The following CABP7 variants were observed in gnomAD, a reference collection of about 807,000 sequenced individuals.
The protein encoded by CABP7 is calcium binding protein 7.
CABP7 carries 13 observed loss-of-function variants against 23.1 expected under a neutral mutation model. The ratio of observed to expected loss-of-function variants is 0.56; its 90% confidence interval spans 0.37 to 0.90. The LOEUF is 0.90. Ranked by LOEUF, CABP7 falls within the 40% of genes least tolerant of loss-of-function variation. The pLI is 0.01. For synonymous variants in CABP7, 123 were observed against 115.3 expected (o/e 1.07, Z -0.43); for missense variants, 248 against 295.6 (o/e 0.84, Z 1.18).
chr22:29,723,266 C>T lies in CABP7; in HGVS notation c.109+2733C>T, dbSNP rs373416607. On this transcript the variant is annotated intron_variant, in intron 1 of 4. Transcript: ENST00000216144. The stretch of plus-strand genomic sequence containing the variant: ...AAGGTCTGGAAAAGGTCTCTGGGGA[C>T]CTGTGGCCCTGGGGAGGCATGGAGG... Among the ~76,000 whole-genome samples the T allele has an allele frequency of 1.9e-4, 29 of 152,194 alleles. No homozygotes were observed. In the East Asian group the frequency reaches 2.7e-3, roughly 14 times the overall value.
rs2067805957 is a variant in CABP7 at position 29,727,672 on chromosome 22, G to C, written c.120G>C (p.Glu40Asp). ...CCATTCTCTCCTCAGAGATCCGAGA[G>C]GCCTTCAAGGTGTTTGACCGTGACG... ...IPEDELEEIR[E>D]AFKVFDRDGN... The change falls in exon 2 of 5, where the codon GAG becomes GAC. Residue 40 changes from glutamate to aspartate, a missense_variant. Physicochemically the swap from Glu to Asp is conservative, Grantham distance 45 (BLOSUM62 2). Transcript: ENST00000216144. The surrounding 1 kb of genome is among the most constrained non-coding windows in gnomAD (Gnocchi z 4.2). 1 of 1,613,648 alleles carries C rather than the reference G, an allele frequency of 6.2e-7. No individual in the cohort carries two copies.
intron 2 of CABP7, among the ~76,000 whole-genome samples, chr22:29,728,420 C>G (rs1219819179): frequency 2.0e-5 from 3 of 152,208 alleles, no homozygotes; most frequent in African/African-American, 7.2e-5. Flanking sequence ...CTTGTAAGGC[C>G]TCATCACACT....
At position 29,720,402 on chromosome 22, in the gene CABP7, C is replaced by A; in HGVS notation, c.-23C>A. ...CCCCGGCCTCAAAGTTTGCGGCGGG[C>A]GGGCGGGCGCGGAGCCTCCAAGATG... On this transcript the variant is annotated 5_prime_UTR_variant, in exon 1 of 5. Coordinates refer to ENST00000216144, the MANE Select transcript of CABP7 (RefSeq NM_182527.3). This position sits in a 1 kb window ranked among gnomAD's most constrained non-coding sequence, Gnocchi z 5.2. The A allele has an allele frequency of 7.0e-7, 1 of 1,435,780 alleles. No individual in the cohort carries two copies. The highest frequency in any genetic ancestry group is 9.2e-7 in the Non-Finnish European group (1 of 1,082,762). The allele number at this position is 1,435,780 out of a possible 1,614,324, so 88.9% of individuals were successfully genotyped here.
In CABP7 at chr22:29,730,327, C is replaced by T. The variant is rs2067830528; in HGVS notation, c.*758C>T. On this transcript the variant is annotated 3_prime_UTR_variant, in exon 5 of 5. Coordinates refer to ENST00000216144, the MANE Select transcript of CABP7 (RefSeq NM_182527.3). ...GCCCTGCAGCCCCCCACCTTCTGGCCCTCCCACCAGAGGCCCAGCTACCAA... is the reference window on the plus strand; with the variant it reads ...GCCCTGCAGCCCCCCACCTTCTGGCTCTCCCACCAGAGGCCCAGCTACCAA... 1 of 152,718 alleles carries T rather than the reference C, an allele frequency of 6.5e-6. No individual in the cohort carries two copies. The highest frequency in any genetic ancestry group is 2.4e-5 in the African/African-American group (1 of 41,424). 9.5% of individuals were successfully genotyped at this position (152,718 alleles called of 1,614,324 possible). A position where few individuals can be genotyped will look rare whatever the true frequency, so the allele number is the denominator to read the frequency against.
rs901348663 is a variant in CABP7 at position 29,727,030 on chromosome 22, C to T, written c.110-632C>T. On this transcript the variant is annotated intron_variant, in intron 1 of 4. Transcript: ENST00000216144. This position sits in a 1 kb window ranked among gnomAD's most constrained non-coding sequence, Gnocchi z 4.2. Reference sequence around the variant, plus strand: ...GTCACCGAGGTCATCAGGCCTCGGTCTTCTGCTCCGTACAGTGTGGAGGGC... The same window carrying T: ...GTCACCGAGGTCATCAGGCCTCGGTTTTCTGCTCCGTACAGTGTGGAGGGC... Among the ~76,000 whole-genome samples the T allele has an allele frequency of 5.9e-5, 9 of 152,186 alleles. No individual in the cohort carries two copies. The highest frequency in any genetic ancestry group is 1.3e-4 in the Non-Finnish European group (9 of 68,042).
chr22:29,729,555 A>T lies in CABP7; in HGVS notation c.634A>T (p.Ser212Cys). 1 of 1,610,812 alleles carries T rather than the reference A, an allele frequency of 6.2e-7. No individual in the cohort carries two copies. The highest frequency in any genetic ancestry group is 8.5e-7 in the Non-Finnish European group (1 of 1,179,908). ...MLIAANQVLRSGMK is the reference protein window; with the variant it reads ...MLIAANQVLRCGMK ...CATTGCGGCCAACCAGGTGCTGCGC[A>T]GTGGCATGAAGTAGACGCCACCTGG... Residue 212 changes from serine (S) to cysteine (C), a missense_variant, in exon 5 of 5, where the codon AGT becomes TGT. Physicochemically the swap from Ser to Cys is moderately radical, Grantham distance 112. Transcript: ENST00000216144.
chr22:29,721,286 C>G (rs1046345511), intron 1 of CABP7, among the ~76,000 whole-genome samples: 3 of 152,154 alleles, frequency 2.0e-5, no homozygotes, highest in African/African-American at 7.2e-5. Context: ...TGGGCGAGGT[C>G]AGAGCAGAGG....
intron 4 of CABP7, 91 bp from the exon 5 acceptor site, chr22:29,729,351 T>A: frequency 6.3e-7 from 1 of 1,578,676 alleles, no homozygotes; most frequent in East Asian, 2.2e-5. Context: ...CCCCATGGGA[T>A]GAGCCCATGT....
rs1433959575 is a variant in CABP7 at position 29,720,430 on chromosome 22, G to A, written c.6G>A (p.Pro2=). M[P]FHPVTAALMY... ...GCGGGCGCGGAGCCTCCAAGATGCC[G>A]TTCCACCCGGTGACGGCGGCGTTGA... Residue 2 remains proline, a synonymous_variant, in exon 1 of 5, where the codon CCG becomes CCA. Coordinates refer to ENST00000216144, the MANE Select transcript of CABP7 (RefSeq NM_182527.3). This position sits in a 1 kb window ranked among gnomAD's most constrained non-coding sequence, Gnocchi z 5.2. 3.9e-6 allele frequency: 6 copies of A among 1,532,640 alleles called. No individual in the cohort carries two copies. The highest frequency in any genetic ancestry group is 1.9e-5 in the Admixed American group (1 of 51,906). The allele number at this position is 1,532,640 out of a possible 1,614,324, so 94.9% of individuals were successfully genotyped here.
chr22:29,723,879 G>A (rs914104223), intron 1 of CABP7, among the ~76,000 whole-genome samples: 5 of 152,218 alleles, frequency 3.3e-5, no homozygotes, highest in Non-Finnish European at 5.9e-5. Context: ...GATGGAGTGC[G>A]GATGTCCCTT....
At position 29,729,422 on chromosome 22, in the gene CABP7, CTCCCGG is replaced by C; in HGVS notation, c.521-19_521-14del. 2 of 1,607,334 alleles carry C rather than the reference CTCCCGG, an allele frequency of 1.2e-6. No homozygotes were observed. The highest frequency in any genetic ancestry group is 3.3e-4 in the Middle Eastern group (2 of 6,052). On this transcript the variant is annotated splice_polypyrimidine_tract_variant and intron_variant, in intron 4 of 4. Coordinates refer to ENST00000216144, the MANE Select transcript of CABP7 (RefSeq NM_182527.3). ...GATGTCCCCTTCTGTCTCCCCGGTGCTCCCGGCGGGCGGCCACAGCCTGCTCCAACC... is the reference window on the plus strand; with the variant it reads ...GATGTCCCCTTCTGTCTCCCCGGTGCCGGGCGGCCACAGCCTGCTCCAACC...
Position 29,720,839 on chromosome 22 carries a change from G to A in CABP7, c.109+306G>A, listed in dbSNP as rs1182488828. On this transcript the variant is annotated intron_variant, in intron 1 of 4. Coordinates refer to ENST00000216144, the MANE Select transcript of CABP7 (RefSeq NM_182527.3). This position sits in a 1 kb window ranked among gnomAD's most constrained non-coding sequence, Gnocchi z 5.2. Reference sequence around the variant, plus strand: ...CAGTCGGCGGTGACGGTGCGGCAACGCGGCGGACTGGGGCGGGGGTCCGCG... The same window carrying A: ...CAGTCGGCGGTGACGGTGCGGCAACACGGCGGACTGGGGCGGGGGTCCGCG... Among the ~76,000 whole-genome samples, 2 of 151,538 alleles carry A rather than the reference G, an allele frequency of 1.3e-5. No individual in the cohort carries two copies. The highest frequency in any genetic ancestry group is 4.8e-5 in the African/African-American group (2 of 41,360).
Position 29,730,444 on chromosome 22 carries a change from C to T in CABP7, c.*875C>T, listed in dbSNP as rs1380802951. ...CTGGGGCCTGAAGGCTCTGAGCAGC[C>T]TCCAGCCAGGGGGCTCCTCCAGGGC... On this transcript the variant is annotated 3_prime_UTR_variant, in exon 5 of 5. Transcript: ENST00000216144. 6.6e-6 allele frequency: 1 copy of T among 152,540 alleles called. No homozygotes were observed. Among genetic ancestry groups the T allele is most frequent in the African/African-American group, 2.4e-5 (1 of 41,456 alleles). 9.4% of individuals were successfully genotyped at this position (152,540 alleles called of 1,614,324 possible).
chr22:29,729,171 C>T lies in CABP7; in HGVS notation c.483C>T (p.His161=). ...ENIIMTEEES[H]LGTAEECPVD... ...TCATCATGACGGAGGAGGAGAGCCA[C>T]CTGGGCACAGCCGAGGAGTGTCCCG... Residue 161 remains histidine, a synonymous_variant, in exon 4 of 5, where the codon CAC becomes CAT. Coordinates refer to ENST00000216144, the MANE Select transcript of CABP7 (RefSeq NM_182527.3). 1.2e-6 allele frequency: 2 copies of T among 1,610,892 alleles called. No individual in the cohort carries two copies. The highest frequency in any genetic ancestry group is 8.5e-7 in the Non-Finnish European group (1 of 1,179,670).
At chr22:29,722,570 C>T (rs1489528831) in intron 1 of CABP7, among the ~76,000 whole-genome samples, 2 of 152,252 alleles carry the variant, frequency 1.3e-5, no homozygotes, top group Non-Finnish European at 2.9e-5. Context: ...CAGATGAAGG[C>T]AAGAAGTTTT....
At chr22:29,726,244 T>C (rs1012502478) in intron 1 of CABP7, among the ~76,000 whole-genome samples, 1 of 152,142 alleles carries the variant, frequency 6.6e-6, no homozygotes, top group Non-Finnish European at 1.5e-5. Flanking sequence ...CCCTCAGGCC[T>C]TGGGTGTGGA....
chr22:29,730,818 T>A lies in CABP7; in HGVS notation c.*1249T>A, dbSNP rs1011878612. The A allele has an allele frequency of 9.7e-5, 15 of 154,922 alleles. No individual in the cohort carries two copies. Among genetic ancestry groups the A allele is most frequent in the Admixed American group, 1.3e-4 (2 of 15,342 alleles). 9.6% of individuals were successfully genotyped at this position (154,922 alleles called of 1,614,324 possible). A position where few individuals can be genotyped will look rare whatever the true frequency, so the allele number is the denominator to read the frequency against. On this transcript the variant is annotated 3_prime_UTR_variant, in exon 5 of 5. Transcript: ENST00000216144. Reference sequence around the variant, plus strand: ...CCTCTGCCTGGCCGTGCTGAACCTCTGCTGGTCCCAAGGGAGAAGGGAGTG... The same window carrying A: ...CCTCTGCCTGGCCGTGCTGAACCTCAGCTGGTCCCAAGGGAGAAGGGAGTG...
At chr22:29,728,017 A>T (rs930125263) in intron 2 of CABP7, among the ~76,000 whole-genome samples, 13 of 152,224 alleles carry the variant, frequency 8.5e-5, no homozygotes, top group African/African-American at 2.9e-4. Flanking sequence ...AGTCCCAGCC[A>T]CATGCAGGGC....
At chr22:29,723,722 C>T (rs2067777505) in intron 1 of CABP7, among the ~76,000 whole-genome samples, 2 of 152,246 alleles carry the variant, frequency 1.3e-5, no homozygotes. Flanking sequence ...AGGCCAGGAG[C>T]CGCCTCTGCA....
Sources: gnomAD v4.1 joint callset for allele counts (sites outside exome capture counted in the v4.1 genomes callset) on GRCh38, gnomAD v4.1.1 for gene constraint, Gnocchi (gnomAD v3.1) non-coding constraint, MANE v1.5 for transcripts, NCBI Gene and HGNC (gene_info 2026-07-23, HGNC 2026-07-21) for gene names.